Variants in ABCC8 observed in about 807,000 individuals in gnomAD.
ABCC8 encodes ATP binding cassette subfamily C member 8.
ABCC8 carries 137 observed loss-of-function variants against 188.0 expected under a neutral mutation model. The ratio of observed to expected loss-of-function variants is 0.73; its 90% CI spans 0.63 to 0.84. ABCC8 has a LOEUF of 0.84. Ranked by LOEUF, ABCC8 falls within the 40% of genes least tolerant of loss-of-function variation. The probability of loss-of-function intolerance (pLI) is 0.00; values close to 1 mark genes in which losing one functional copy is unlikely to be tolerated. For synonymous variants in ABCC8, 797 were observed against 846.5 expected (o/e 0.94, Z 1.01); for missense variants, 1,750 against 2,072.7 (o/e 0.84, Z 3.02).
At chr11:17,405,622 T>C in intron 26 of ABCC8, 59 bp from the exon 27 acceptor site, 3 of 1,613,800 alleles carry the variant, frequency 1.9e-6, no homozygotes, top group Non-Finnish European at 2.5e-6. Flanking sequence ...TCCTGTTTAC[T>C]GAATGAGATA....
At chr11:17,472,458 G>C (rs1255635966) in intron 2 of ABCC8, among the ~76,000 whole-genome samples, 1 of 152,148 alleles carries the variant, frequency 6.6e-6, no homozygotes, top group African/African-American at 2.4e-5. Context: ...ACTAAATGAG[G>C]CTCACTCTAA....
chr11:17,447,558 TG>T, intron 8 of ABCC8, among the ~76,000 whole-genome samples: 1 of 152,052 alleles, frequency 6.6e-6, no homozygotes, highest in South Asian at 2.1e-4. Context: ...CCCAGGTAGC[TG>T]GGACTAAAGG....
chr11:17,398,475 G>A (rs760117593), intron 29 of ABCC8, 34 bp from the exon 30 acceptor site: 1 of 1,613,156 alleles, frequency 6.2e-7, no homozygotes. Context: ...TAAGGGAACA[G>A]TGTTGGTCCA....
At position 17,470,017 on chromosome 11, in the gene ABCC8, T is replaced by A; in HGVS notation, c.412+84A>T. The A allele has an allele frequency of 3.9e-6, 6 of 1,532,544 alleles. No homozygotes were observed. The South Asian group carries it at 5.6e-5, about 14-fold the overall frequency. The allele number at this position is 1,532,544 out of a possible 1,614,324, so 94.9% of individuals were successfully genotyped here. On this transcript the variant is annotated intron_variant, in intron 3 of 38. Transcript: ENST00000389817. ...TCCAAATCTCTACTGTTTAGAGCAA[T>A]AGCTGGCACATAATGAGTCCTCAGT...
chr11:17,445,984 T>A (rs2133607427), intron 8 of ABCC8, among the ~76,000 whole-genome samples: 1 of 149,766 alleles, frequency 6.7e-6, no homozygotes, highest in African/African-American at 2.4e-5. Context: ...TTTTTTTTTT[T>A]AGACCGAGTC....
intron 11 of ABCC8, among the ~76,000 whole-genome samples, chr11:17,431,962 G>T (rs1049387525): frequency 3.9e-5 from 6 of 152,190 alleles, no homozygotes; most frequent in Non-Finnish European, 5.9e-5. Flanking sequence ...TTTTTTAAAA[G>T]AAAGTTTAAT....
intron 14 of ABCC8, 56 bp downstream of exon 14, chr11:17,428,233 T>A: frequency 6.2e-7 from 1 of 1,611,534 alleles, no homozygotes; most frequent in South Asian, 1.1e-5. Context: ...TTCCAGGTGC[T>A]GAGCTCCCTC....
At chr11:17,454,049 A>T (rs1956907070) in intron 6 of ABCC8, among the ~76,000 whole-genome samples, 1 of 152,224 alleles carries the variant, frequency 6.6e-6, no homozygotes. Flanking sequence ...TCCCCAGCAG[A>T]GCCACATCAA....
chr11:17,433,574 G>T (rs1021327073), intron 10 of ABCC8, among the ~76,000 whole-genome samples: 6 of 152,366 alleles, frequency 3.9e-5, no homozygotes, highest in African/African-American at 1.4e-4. Context: ...GCCCTTAGGG[G>T]ATTCCCAGTC....
chr11:17,450,752 G>A (rs1181324942), intron 7 of ABCC8, among the ~76,000 whole-genome samples: 2 of 121,906 alleles, frequency 1.6e-5, no homozygotes, highest in African/African-American at 6.5e-5. Flanking sequence ...ATAGTGGCAC[G>A]ATCTCAGCTC....
chr11:17,414,423 G>T lies in ABCC8; in HGVS notation c.2390+89C>A. On this transcript the variant is annotated intron_variant, in intron 19 of 38. Transcript: ENST00000389817. Reference sequence around the variant, plus strand: ...TGGGGAGTGAGATGGCTGGGTGTGGGTGATCGATGGAGGGGCCCGGAACTG... The same window carrying T: ...TGGGGAGTGAGATGGCTGGGTGTGGTTGATCGATGGAGGGGCCCGGAACTG... 12 of 1,545,036 alleles carry T rather than the reference G, an allele frequency of 7.8e-6. No individual in the cohort carries two copies. In the South Asian group the frequency reaches 1.1e-4, roughly 14 times the overall value.
chr11:17,443,054 G>A (rs1222740960), intron 9 of ABCC8, 124 bp downstream of exon 9: 2 of 1,493,784 alleles, frequency 1.3e-6, no homozygotes, highest in Non-Finnish European at 1.9e-6. Flanking sequence ...GCCTGGACAG[G>A]TGAAGTGGCC....
intron 16 of ABCC8, among the ~76,000 whole-genome samples, chr11:17,425,522 T>C (rs1261335429): frequency 6.6e-6 from 1 of 152,042 alleles, no homozygotes; most frequent in Non-Finnish European, 1.5e-5. Context: ...AAATGAATAC[T>C]CCAAAGCCCA....
intron 16 of ABCC8, among the ~76,000 whole-genome samples, chr11:17,417,664 C>T (rs534471379): frequency 2.6e-5 from 4 of 152,096 alleles, no homozygotes; most frequent in African/African-American, 4.8e-5. Context: ...AAAAAATCTG[C>T]TTTATTTTCA....
intron 36 of ABCC8, 21 bp from the exon 37 acceptor site, chr11:17,394,420 T>G: frequency 6.2e-7 from 1 of 1,614,020 alleles, no homozygotes; most frequent in Middle Eastern, 1.6e-4. Context: ...CCCGGGGAGA[T>G]GAAGTAGGAC....
chr11:17,406,343 A>G, intron 26 of ABCC8: 1 of 494,396 alleles, frequency 2.0e-6, no homozygotes, highest in South Asian at 2.6e-5. Context: ...GGGAGGAGAA[A>G]ACAATCTTTA....
At chr11:17,472,221 C>T (rs528415817) in intron 2 of ABCC8, among the ~76,000 whole-genome samples, 1 of 152,202 alleles carries the variant, frequency 6.6e-6, no homozygotes, top group African/African-American at 2.4e-5. Flanking sequence ...TAGTTTTTAG[C>T]TGCTTTGTTA....
chr11:17,407,010 A>C lies in ABCC8; in HGVS notation c.3040T>G (p.Leu1014Val), dbSNP rs763847269. 2 of 1,614,212 alleles carry C rather than the reference A, an allele frequency of 1.2e-6. No homozygotes were observed. The highest frequency in any genetic ancestry group is 2.2e-5 in the South Asian group (2 of 91,088). Residue 1014 changes from leucine (L) to valine (V), a missense_variant, in exon 25 of 39, where the codon TTG (leucine) becomes GTG (valine). By Grantham distance (32) the Leu-to-Val change is conservative (BLOSUM62 1). Transcript: ENST00000389817. The stretch of plus-strand genomic sequence containing the variant: ...TTGAGCAGCTGTGAGAAGACCAGCA[A>C]CGACAGGAGCAGGATGCCGGCGGAG... ...LSSAGILLLS[L>V]LVFSQLLKHM...
intron 3 of ABCC8, among the ~76,000 whole-genome samples, chr11:17,469,095 T>C (rs1445332075): frequency 9.0e-6 from 1 of 111,618 alleles, no homozygotes; most frequent in African/African-American, 3.7e-5. Context: ...CCTTCCTTCC[T>C]TCCTTCCTTC....
Sources: allele counts gnomAD v4.1 joint callset (sites outside exome capture counted in the v4.1 genomes callset), GRCh38; gene constraint gnomAD v4.1.1; transcripts MANE v1.5; gene names NCBI Gene and HGNC (gene_info 2026-07-23, HGNC 2026-07-21).